The following PRCC variants were observed in gnomAD, a reference collection of about 807,000 sequenced individuals.
PRCC encodes proline-rich protein PRCC.
In PRCC, 10 loss-of-function variants were observed where a neutral mutation model predicts 44.0. The ratio of observed to expected loss-of-function variants is 0.23; its 90% confidence interval spans 0.14 to 0.39. The LOEUF (loss-of-function observed/expected upper bound fraction) is 0.39, where lower values mean the gene tolerates loss of function less well. Among genes scored for constraint, PRCC ranks in the 10% least tolerant of loss-of-function variants. The probability of loss-of-function intolerance (pLI) is 1.00; values close to 1 mark genes in which losing one functional copy is unlikely to be tolerated. For missense variants in PRCC, 573 were observed against 624.7 expected (o/e 0.92, Z 0.88); for synonymous variants, 278 against 259.5 (o/e 1.07, Z -0.69).
intron 1 of PRCC, among the ~76,000 whole-genome samples, chr1:156,769,419 A>T (rs1651541168): frequency 6.6e-6 from 1 of 152,100 alleles, no homozygotes; most frequent in South Asian, 2.1e-4. Flanking sequence ...GAAGGCAGGG[A>T]TTAAAAAAAA....
chr1:156,791,282 C>A, intron 3 of PRCC: 1 of 694,884 alleles, frequency 1.4e-6, no homozygotes, highest in Non-Finnish European at 2.4e-6. Context: ...GCAGGAATGG[C>A]ATGACGTATA....
chr1:156,787,650 C>CTTTTTTTTTTTTTTTTTTTTTTTT lies in PRCC; in HGVS notation c.1083+492_1083+493insTTTTTTTTTTTTTTTTTTTTTTTT, dbSNP rs56916626. On this transcript the variant is annotated intron_variant, in intron 3 of 6. Coordinates refer to ENST00000271526, the MANE Select transcript of PRCC (RefSeq NM_005973.5). ...AGTACCTGATAGGTAGGTTTTTGGC[C>CTTTTTTTTTTTTTTTTTTTTTTTT]TTTTTTTTTTTTTTTTGGAGAAGGA... 2.2e-3 allele frequency among the ~76,000 whole-genome samples: 118 copies of CTTTTTTTTTTTTTTTTTTTTTTTT among 54,162 alleles called. 40 individuals carry two copies. Among genetic ancestry groups the CTTTTTTTTTTTTTTTTTTTTTTTT allele is most frequent in the African/African-American group, 0.011 (116 of 11,024 alleles). 35.5% of individuals were successfully genotyped at this position (54,162 alleles called of 152,430 possible).
chr1:156,795,282 GGT>G (rs1491394577), intron 5 of PRCC, among the ~76,000 whole-genome samples: 4 of 59,110 alleles, frequency 6.8e-5, no homozygotes, highest in Admixed American at 2.6e-4. Flanking sequence ...TTCATTTTCT[GGT>G]GTTTTTTTTT....
intron 5 of PRCC, chr1:156,796,166 G>A (rs1327004485): frequency 1.3e-5 from 2 of 152,238 alleles, no homozygotes; most frequent in Non-Finnish European, 2.9e-5. Flanking sequence ...AATAGCTACT[G>A]TTGTTAATGC....
At chr1:156,776,912 A>C (rs1481499421) in intron 1 of PRCC, among the ~76,000 whole-genome samples, 1 of 152,224 alleles carries the variant, frequency 6.6e-6, no homozygotes, top group Non-Finnish European at 1.5e-5. Context: ...GAGTTAGTTT[A>C]GAACAGAAAG....
intron 4 of PRCC, among the ~76,000 whole-genome samples, chr1:156,793,958 T>C (rs957068679): frequency 1.8e-4 from 26 of 144,068 alleles, no homozygotes; most frequent in African/African-American, 6.6e-4. Flanking sequence ...TTCTTTCTTT[T>C]TTTTTTTTTT....
chr1:156,797,136 TA>T, intron 5 of PRCC, 139 bp from the exon 6 acceptor site: 4 of 932,410 alleles, frequency 4.3e-6, no homozygotes, highest in Non-Finnish European at 6.7e-6. Flanking sequence ...TATATAGAGG[TA>T]AAAACAGCTC....
At chr1:156,770,884 T>C (rs1262239926) in intron 1 of PRCC, among the ~76,000 whole-genome samples, 1 of 152,274 alleles carries the variant, frequency 6.6e-6, no homozygotes, top group Non-Finnish European at 1.5e-5. Context: ...TATTGAGCTC[T>C]TTCTTTGTAC....
intron 3 of PRCC, among the ~76,000 whole-genome samples, chr1:156,787,945 C>T (rs1422684912): frequency 1.3e-5 from 2 of 152,184 alleles, no homozygotes; most frequent in East Asian, 1.9e-4. Context: ...AACTCTCCCA[C>T]CTCAGCCTCC....
In PRCC at chr1:156,787,115, T is replaced by A. The variant is rs774334000; in HGVS notation, c.1024T>A (p.Tyr342Asn). 9.3e-6 allele frequency: 15 copies of A among 1,613,814 alleles called. No individual in the cohort carries two copies. The highest frequency in any genetic ancestry group is 1.2e-5 in the Non-Finnish European group (14 of 1,179,870). Residue 342 changes from tyrosine (Y) to asparagine (N), a missense_variant, in exon 3 of 7, where the codon TAC becomes AAC. By Grantham distance (143) the Tyr-to-Asn change is moderately radical. Transcript: ENST00000271526. ...TTGGATGCCTAAGCCTGGGGACGAC[T>A]ACAGCTACAATCAGTTTTCCACATA... ...APWMPKPGDD[Y>N]SYNQFSTYGD...
rs1181680401 is a variant in PRCC, at chr1:156,799,593, C to G, written c.1390-781C>G. Among the ~76,000 whole-genome samples the G allele has an allele frequency of 2.6e-5, 4 of 152,278 alleles. No homozygotes were observed. In the South Asian group the frequency reaches 8.3e-4, roughly 32 times the overall value. ...CATATTTTCACCTTCCTTTCAGGAA[C>G]TCCTTTGTACTCTTTCCCTGTCTTG... On this transcript the variant is annotated intron_variant, in intron 6 of 6. Coordinates refer to ENST00000271526, the MANE Select transcript of PRCC (RefSeq NM_005973.5).
chr1:156,798,227 G>A (rs545239962), intron 6 of PRCC, among the ~76,000 whole-genome samples: 13 of 152,256 alleles, frequency 8.5e-5, no homozygotes, highest in African/African-American at 3.1e-4. Context: ...AATCCTTACC[G>A]ATAACACATA....
rs1558042688 is a variant in PRCC at position 156,767,807 on chromosome 1, C to G, written c.36C>G (p.Ser12Arg). 1 of 1,609,364 alleles carries G rather than the reference C, an allele frequency of 6.2e-7. No homozygotes were observed. The highest frequency in any genetic ancestry group is 1.3e-5 in the African/African-American group (1 of 75,006). Residue 12 changes from serine (S) to arginine (R), a missense_variant, in exon 1 of 7, where the codon AGC becomes AGG. Coordinates refer to ENST00000271526, the MANE Select transcript of PRCC (RefSeq NM_005973.5). ...SLVAYASSDE[S>R]EPDEAEPEPE... ...TTGCTTACGCCAGCAGCGATGAGAG[C>G]GAGCCGGATGAGGCTGAGCCCGAGC...
chr1:156,787,934 C>T (rs1254345661), intron 3 of PRCC, among the ~76,000 whole-genome samples: 1 of 152,064 alleles, frequency 6.6e-6, no homozygotes, highest in Non-Finnish European at 1.5e-5. Flanking sequence ...CAGGTTCAAG[C>T]AACTCTCCCA....
chr1:156,769,113 A>G (rs1224897190), intron 1 of PRCC, among the ~76,000 whole-genome samples: 1 of 152,226 alleles, frequency 6.6e-6, no homozygotes, highest in Non-Finnish European at 1.5e-5. Context: ...ACTGCTTAGA[A>G]TTACTTACCG....
intron 1 of PRCC, among the ~76,000 whole-genome samples, chr1:156,770,560 G>A (rs1651597080): frequency 1.3e-5 from 2 of 152,134 alleles, no homozygotes; most frequent in Non-Finnish European, 2.9e-5. Flanking sequence ...TTTTGGTAGA[G>A]ACTGGGGTTT....
intron 3 of PRCC, among the ~76,000 whole-genome samples, chr1:156,787,619 G>A (rs199630967): frequency 2.3e-4 from 12 of 51,828 alleles, no homozygotes; most frequent in Non-Finnish European, 3.1e-4. Flanking sequence ...CCCAGGTGAT[G>A]AGCATAGTAC....
chr1:156,785,090 T>C (rs1253522493), intron 2 of PRCC, among the ~76,000 whole-genome samples: 1 of 152,190 alleles, frequency 6.6e-6, no homozygotes, highest in Non-Finnish European at 1.5e-5. Flanking sequence ...AAATTACATA[T>C]TTTTGTAAAA....
chr1:156,797,220 T>G, intron 5 of PRCC, 56 bp from the exon 6 acceptor site: 1 of 1,607,360 alleles, frequency 6.2e-7, no homozygotes, highest in Non-Finnish European at 8.5e-7. Flanking sequence ...TCTGGGCACA[T>G]GAGAAACTTC....
Sources: allele counts gnomAD v4.1 joint callset (sites outside exome capture counted in the v4.1 genomes callset), GRCh38; gene constraint gnomAD v4.1.1; transcripts MANE v1.5; gene names NCBI Gene and HGNC (gene_info 2026-07-23, HGNC 2026-07-21).